The following ERC2 variants were observed in gnomAD, a reference collection of about 807,000 sequenced individuals.
ERC2 encodes ELKS/RAB6-interacting/CAST family member 2.
A neutral mutation model predicts 114.8 loss-of-function variants in ERC2; 42 were observed. The ratio of observed to expected loss-of-function variants is 0.37; its 90% CI spans 0.29 to 0.47. The LOEUF (loss-of-function observed/expected upper bound fraction) is 0.47, where lower values mean the gene tolerates loss of function less well. ERC2 is among the 20% of genes least tolerant of loss of function. The pLI, the probability that ERC2 is intolerant of heterozygous loss-of-function variation, is 0.99. For synonymous variants in ERC2, 454 were observed against 425.5 expected (o/e 1.07, Z -0.82); for missense variants, 939 against 1,150.7 (o/e 0.82, Z 2.66).
chr3:56,043,399 A>T (rs1303411325), intron 7 of ERC2, among the ~76,000 whole-genome samples: 1 of 152,194 alleles, frequency 6.6e-6, no homozygotes, highest in Non-Finnish European at 1.5e-5. Context: ...TATATATGTT[A>T]TATAGCGTTG....
intron 6 of ERC2, among the ~76,000 whole-genome samples, chr3:56,102,753 G>A (rs1311551205): frequency 6.6e-6 from 1 of 152,158 alleles, no homozygotes; most frequent in Non-Finnish European, 1.5e-5. Context: ...GACTTAGCCT[G>A]CAACCCCAAT....
chr3:55,980,481 C>T lies in ERC2; in HGVS notation c.2267+5496G>A, dbSNP rs991924341. On this transcript the variant is annotated intron_variant, in intron 12 of 17. Transcript: ENST00000288221. ...GTCACAGGATGGTTGGGTTTCTCTA[C>T]AACCTGAGCTAGTATTGTGCATAAT... Among the ~76,000 whole-genome samples the T allele has an allele frequency of 7.2e-5, 11 of 152,280 alleles. No homozygotes were observed. The South Asian group carries it at 2.1e-3, about 29-fold the overall frequency.
chr3:55,876,313 C>A (rs941974936), intron 14 of ERC2, among the ~76,000 whole-genome samples: 26 of 151,892 alleles, frequency 1.7e-4, no homozygotes, highest in African/African-American at 6.1e-4. Context: ...GCAGAGAAAC[C>A]CTATGAATTG....
chr3:56,148,566 G>T (rs1235739139), intron 5 of ERC2, among the ~76,000 whole-genome samples: 1 of 152,120 alleles, frequency 6.6e-6, no homozygotes, highest in East Asian at 1.9e-4. Flanking sequence ...ACATTTAAAT[G>T]AGTTAAACTG....
intron 2 of ERC2, among the ~76,000 whole-genome samples, chr3:56,359,508 C>A (rs985364302): frequency 6.6e-6 from 1 of 152,210 alleles, no homozygotes; most frequent in East Asian, 1.9e-4. Flanking sequence ...ATTCTTAGAA[C>A]CAGTGTACAA....
At chr3:56,134,055 A>T (rs555407197) in intron 6 of ERC2, among the ~76,000 whole-genome samples, 1 of 152,280 alleles carries the variant, frequency 6.6e-6, no homozygotes, top group South Asian at 2.1e-4. Context: ...CTTGAGTGTG[A>T]CCTCAAAGAG....
intron 17 of ERC2, among the ~76,000 whole-genome samples, chr3:55,654,095 G>A (rs1482911407): frequency 2.6e-5 from 4 of 152,244 alleles, no homozygotes; most frequent in Non-Finnish European, 5.9e-5. Flanking sequence ...TCTTGATGAG[G>A]AAGGCTTGCC....
chr3:55,673,759 T>G (rs1183123219), intron 17 of ERC2, among the ~76,000 whole-genome samples: 6 of 148,916 alleles, frequency 4.0e-5, no homozygotes, highest in African/African-American at 1.2e-4. Flanking sequence ...CCGTTTACAA[T>G]CCAGTGCCGT....
At chr3:55,805,289 G>C (rs2059445516) in intron 14 of ERC2, among the ~76,000 whole-genome samples, 1 of 151,786 alleles carries the variant, frequency 6.6e-6, no homozygotes, top group Non-Finnish European at 1.5e-5. Flanking sequence ...CATCCCATTA[G>C]ACTCTTCCTT....
intron 13 of ERC2, among the ~76,000 whole-genome samples, chr3:55,905,662 C>G (rs1219782835): frequency 6.6e-6 from 1 of 152,122 alleles, no homozygotes; most frequent in Non-Finnish European, 1.5e-5. Context: ...TATTGCCTTG[C>G]AAATAAAACC....
At chr3:56,024,894 C>T (rs1020826763) in intron 7 of ERC2, among the ~76,000 whole-genome samples, 2 of 152,186 alleles carry the variant, frequency 1.3e-5, no homozygotes, top group African/African-American at 4.8e-5. Flanking sequence ...CAGTCTTTGA[C>T]AAGATAACTA....
chr3:55,908,759 G>A (rs1009381064), intron 13 of ERC2, among the ~76,000 whole-genome samples: 8 of 152,110 alleles, frequency 5.3e-5, no homozygotes, highest in East Asian at 1.9e-4. Flanking sequence ...CTACACGTTG[G>A]GTTGCCATAT....
chr3:55,899,878 A>T (rs916482934), intron 13 of ERC2, among the ~76,000 whole-genome samples: 3 of 152,220 alleles, frequency 2.0e-5, no homozygotes, highest in Non-Finnish European at 2.9e-5. Context: ...GAGTAATTAA[A>T]CCAATTTCAA....
At chr3:55,608,790 G>C (rs960386291) in intron 17 of ERC2, among the ~76,000 whole-genome samples, 2 of 152,196 alleles carry the variant, frequency 1.3e-5, no homozygotes, top group African/African-American at 4.8e-5. Flanking sequence ...GATACGGCAA[G>C]CCAATTACCT....
At chr3:56,023,991 T>C (rs1352032287) in intron 7 of ERC2, among the ~76,000 whole-genome samples, 1 of 152,224 alleles carries the variant, frequency 6.6e-6, no homozygotes, top group Admixed American at 6.5e-5. Flanking sequence ...GTTTCAAATA[T>C]ACCCAAATGT....
At chr3:55,615,792 C>A (rs1053629239) in intron 17 of ERC2, among the ~76,000 whole-genome samples, 1 of 152,194 alleles carries the variant, frequency 6.6e-6, no homozygotes, top group East Asian at 1.9e-4. Context: ...TCAGCAGAGG[C>A]CTTGTTGTTA....
At chr3:56,414,579 G>A (rs1350103539) in intron 2 of ERC2, among the ~76,000 whole-genome samples, 1 of 152,016 alleles carries the variant, frequency 6.6e-6, no homozygotes, top group Non-Finnish European at 1.5e-5. Context: ...AAAAAAATTA[G>A]CCGGGTGTAG....
intron 3 of ERC2, among the ~76,000 whole-genome samples, chr3:56,205,070 C>G (rs930012545): frequency 2.0e-5 from 3 of 152,020 alleles, no homozygotes; most frequent in Admixed American, 6.6e-5. Context: ...TCTGCCTTTT[C>G]CTAATGTAAC....
intron 14 of ERC2, among the ~76,000 whole-genome samples, chr3:55,828,457 T>TGGCAGCAGGGGCAGCAGGTGCAGCAGG (rs57474126): frequency 6.2e-4 from 78 of 126,306 alleles, no homozygotes; most frequent in Non-Finnish European, 8.0e-4. Context: ...GGAGTGTAGC[T>TGGCAGCAGGGGCAGCAGGTGCAGCAGG]GGCAGCAGGG....
Sources: gnomAD v4.1 joint callset for allele counts (sites outside exome capture counted in the v4.1 genomes callset) on GRCh38, gnomAD v4.1.1 for gene constraint, MANE v1.5 for transcripts, NCBI Gene and HGNC (gene_info 2026-07-23, HGNC 2026-07-21) for gene names.